Variants in SPOCK1 observed in about 807,000 individuals in gnomAD.
SPOCK1 encodes the protein SPARC (osteonectin), cwcv and kazal like domains proteoglycan 1.
SPOCK1 carries 23 observed loss-of-function variants against 55.3 expected under a neutral mutation model. That is an observed-to-expected ratio of 0.42 (90% CI 0.30 to 0.59). The LOEUF (loss-of-function observed/expected upper bound fraction) is 0.59. SPOCK1 is among the 20% of genes least tolerant of loss of function. SPOCK1 has a pLI of 0.22. For synonymous variants in SPOCK1, 226 were observed against 221.0 expected, an observed-to-expected ratio of 1.02 and a Z score of -0.20; for missense variants, 499 against 552.5, an observed-to-expected ratio of 0.90 and a Z score of 0.97.
chr5:137,142,525 T>C (rs1235824092), intron 3 of SPOCK1, among the ~76,000 whole-genome samples: 1 of 152,180 alleles, frequency 6.6e-6, no homozygotes, highest in Non-Finnish European at 1.5e-5. Context: ...CAGGGCCCGG[T>C]CCTAGGGGAG....
At chr5:137,353,688 G>A (rs1750730128) in intron 2 of SPOCK1, among the ~76,000 whole-genome samples, 1 of 152,022 alleles carries the variant, frequency 6.6e-6, no homozygotes. Flanking sequence ...TGACCAATAG[G>A]GACTGCAGTG....
intron 3 of SPOCK1, among the ~76,000 whole-genome samples, chr5:137,235,329 AC>A (rs1756157345): frequency 6.6e-6 from 1 of 152,202 alleles, no homozygotes; most frequent in South Asian, 2.1e-4. Context: ...TGTTCAGATT[AC>A]CTTATGGTCA....
chr5:137,390,066 T>A (rs907902791), intron 2 of SPOCK1, among the ~76,000 whole-genome samples: 1 of 152,138 alleles, frequency 6.6e-6, no homozygotes, highest in African/African-American at 2.4e-5. Context: ...GACATAAAAA[T>A]TCCCATGTCT....
intron 6 of SPOCK1, chr5:136,992,891 G>A (rs1006887287): frequency 5.6e-5 from 16 of 287,094 alleles, no homozygotes; most frequent in Admixed American, 4.6e-4. Flanking sequence ...ATCCTCAGAA[G>A]ACAGACAATC....
chr5:137,132,070 G>A (rs148881982), intron 4 of SPOCK1, among the ~76,000 whole-genome samples: 3,691 of 133,764 alleles, frequency 0.028, 214 homozygotes, highest in African/African-American at 0.11. Context: ...AGCTACTCAG[G>A]AGGCTGAGGC....
rs1157903053 is a variant in SPOCK1, at chr5:137,091,310, G to A, written c.474+21125C>T. On this transcript the variant is annotated intron_variant, in intron 5 of 10. Coordinates refer to ENST00000394945, the MANE Select transcript of SPOCK1 (RefSeq NM_004598.4). ...TAGGTGCTGTGAATATAAAGTAAAG[G>A]CTCTAGCAAAACACACCCAAGCCAG... is the stretch of plus-strand genomic sequence containing the variant. Among the ~76,000 whole-genome samples, 4 of 152,106 alleles carry A rather than the reference G, an allele frequency of 2.6e-5. No individual in the cohort carries two copies. In the East Asian group the frequency reaches 5.8e-4, roughly 22 times the overall value.
chr5:137,167,126 A>G (rs1580786698), intron 3 of SPOCK1, among the ~76,000 whole-genome samples: 2 of 152,182 alleles, frequency 1.3e-5, no homozygotes, highest in South Asian at 4.1e-4. Flanking sequence ...ATGGAAAGAG[A>G]TATTTCATGC....
chr5:137,233,193 A>G (rs1401941904), intron 3 of SPOCK1, among the ~76,000 whole-genome samples: 1 of 152,198 alleles, frequency 6.6e-6, no homozygotes, highest in Non-Finnish European at 1.5e-5. Flanking sequence ...AGTACATTAT[A>G]TTTATTGTGT....
intron 2 of SPOCK1, among the ~76,000 whole-genome samples, chr5:137,384,074 C>T (rs1413934168): frequency 2.0e-5 from 3 of 152,208 alleles, no homozygotes; most frequent in African/African-American, 7.2e-5. Flanking sequence ...CCTCTGAGTC[C>T]CCAGCTGGCA....
intron 2 of SPOCK1, among the ~76,000 whole-genome samples, chr5:137,288,084 C>A (rs1344533321): frequency 1.3e-5 from 2 of 152,162 alleles, no homozygotes; most frequent in Non-Finnish European, 2.9e-5. Flanking sequence ...CTTAACTTCA[C>A]CACTGTTATG....
At chr5:136,985,827 G>T (rs981277785) in intron 8 of SPOCK1, among the ~76,000 whole-genome samples, 1 of 152,194 alleles carries the variant, frequency 6.6e-6, no homozygotes, top group African/African-American at 2.4e-5. Flanking sequence ...AAAGAAGTTA[G>T]TTTCATTCTA....
intron 2 of SPOCK1, among the ~76,000 whole-genome samples, chr5:137,323,206 G>T (rs1039185591): frequency 2.0e-5 from 3 of 152,104 alleles, no homozygotes; most frequent in African/African-American, 7.2e-5. Context: ...CAATGAAATT[G>T]AATTACATTC....
intron 2 of SPOCK1, among the ~76,000 whole-genome samples, chr5:137,475,444 G>C (rs906117865): frequency 6.6e-6 from 1 of 152,024 alleles, no homozygotes; most frequent in South Asian, 2.1e-4. Context: ...TTTCAACAAG[G>C]TTCTAGCTAA....
intron 6 of SPOCK1, among the ~76,000 whole-genome samples, chr5:137,019,636 A>C (rs1580710486): frequency 6.6e-6 from 1 of 152,040 alleles, no homozygotes; most frequent in Non-Finnish European, 1.5e-5. Flanking sequence ...CCAAGATTTT[A>C]CTTAGAATGA....
chr5:137,434,524 G>A lies in SPOCK1; in HGVS notation c.186+63849C>T, dbSNP rs188772126. Reference sequence around the variant, plus strand: ...TTTTTTTTTTTTGAGATGGAGTCTCGCTCTGTCACACAGGCTGCAGTGCAT... The same window carrying A: ...TTTTTTTTTTTTGAGATGGAGTCTCACTCTGTCACACAGGCTGCAGTGCAT... On this transcript the variant is annotated intron_variant, in intron 2 of 10. Transcript: ENST00000394945. Among the ~76,000 whole-genome samples the A allele has an allele frequency of 2.3e-3, 242 of 106,028 alleles. 1 individual carries two copies. Among genetic ancestry groups the A allele is most frequent in the African/African-American group, 7.5e-3 (200 of 26,832 alleles). The allele number at this position is 106,028 out of a possible 152,430, so 69.6% of individuals were successfully genotyped here. A position where few individuals can be genotyped will look rare whatever the true frequency, so the allele number is the denominator to read the frequency against.
At chr5:137,022,494 G>T (rs1226462974) in intron 6 of SPOCK1, among the ~76,000 whole-genome samples, 1 of 152,046 alleles carries the variant, frequency 6.6e-6, no homozygotes, top group Non-Finnish European at 1.5e-5. Context: ...TTGTTACAGG[G>T]CAAGAAATAA....
chr5:137,199,351 A>G (rs1009659723), intron 3 of SPOCK1, among the ~76,000 whole-genome samples: 13 of 152,098 alleles, frequency 8.5e-5, no homozygotes, highest in African/African-American at 3.1e-4. Flanking sequence ...ATGGATTCCC[A>G]TCTCAGCTGT....
At chr5:137,043,653 C>T (rs1366196269) in intron 6 of SPOCK1, among the ~76,000 whole-genome samples, 4 of 152,246 alleles carry the variant, frequency 2.6e-5, no homozygotes, top group Admixed American at 2.6e-4. Flanking sequence ...GGGGGTTCTT[C>T]CCCAAAACTC....
At chr5:137,487,945 C>T (rs555545989) in intron 2 of SPOCK1, among the ~76,000 whole-genome samples, 138 of 152,288 alleles carry the variant, frequency 9.1e-4, no homozygotes, top group African/African-American at 3.2e-3. Flanking sequence ...TAATTTATTG[C>T]AAGTCTTCAA....
Sources: gnomAD v4.1 joint callset for allele counts (sites outside exome capture counted in the v4.1 genomes callset) on GRCh38, gnomAD v4.1.1 for gene constraint, MANE v1.5 for transcripts, NCBI Gene and HGNC (gene_info 2026-07-23, HGNC 2026-07-21) for gene names.